Variants in DNAH14 observed in about 807,000 individuals in gnomAD.
DNAH14 encodes the protein dynein axonemal heavy chain 14.
DNAH14 carries 478 observed loss-of-function variants against 520.9 expected under a neutral mutation model. The observed-to-expected ratio is 0.92, with a 90% CI of 0.85 to 0.99. The LOEUF is 0.99. Among genes scored for constraint, DNAH14 ranks in the 50% least tolerant of loss-of-function variants. DNAH14 has a pLI of 0.00. For synonymous variants in DNAH14, 1,581 were observed against 1,757.2 expected (o/e 0.90, Z 2.51); for missense variants, 4,831 against 5,234.5 (o/e 0.92, Z 2.38).
chr1:225,214,207 C>T (rs895539059), intron 41 of DNAH14, among the ~76,000 whole-genome samples: 3 of 151,998 alleles, frequency 2.0e-5, no homozygotes, highest in Non-Finnish European at 4.4e-5. Context: ...TGATGGATTA[C>T]GTTTGTTGAT....
intron 43 of DNAH14, among the ~76,000 whole-genome samples, chr1:225,241,037 G>C (rs992004830): frequency 1.2e-4 from 18 of 152,108 alleles, no homozygotes. Context: ...TATAATGCCA[G>C]TAAGGCAGAA....
At chr1:225,028,701 T>C (rs1028428933) in intron 11 of DNAH14, among the ~76,000 whole-genome samples, 2 of 152,046 alleles carry the variant, frequency 1.3e-5, no homozygotes, top group Non-Finnish European at 2.9e-5. Flanking sequence ...GTTTTAAAGA[T>C]GCTATAAATC....
At chr1:225,135,434 G>A (rs2078864648) in intron 27 of DNAH14, among the ~76,000 whole-genome samples, 1 of 152,140 alleles carries the variant, frequency 6.6e-6, no homozygotes, top group Non-Finnish European at 1.5e-5. Context: ...TCAGGAGCAG[G>A]TTGTTCAATT....
At chr1:225,159,694 C>G (rs987700450) in intron 35 of DNAH14, among the ~76,000 whole-genome samples, 1 of 152,066 alleles carries the variant, frequency 6.6e-6, no homozygotes, top group Non-Finnish European at 1.5e-5. Context: ...AAGAATGAAC[C>G]ATGTACCTTT....
chr1:225,058,217 TG>T (rs1214444601), intron 17 of DNAH14, among the ~76,000 whole-genome samples: 2 of 152,230 alleles, frequency 1.3e-5, no homozygotes, highest in Non-Finnish European at 2.9e-5. Flanking sequence ...AGCCTGTTAC[TG>T]GTCTATTCAG....
intron 17 of DNAH14, among the ~76,000 whole-genome samples, chr1:225,076,107 G>C (rs1383066565): frequency 6.6e-6 from 1 of 152,162 alleles, no homozygotes; most frequent in East Asian, 1.9e-4. Context: ...GTAGTGTGGT[G>C]CTAGGTGGGC....
chr1:225,289,649 T>A (rs1383719897), intron 54 of DNAH14, among the ~76,000 whole-genome samples: 1 of 152,108 alleles, frequency 6.6e-6, no homozygotes, highest in East Asian at 1.9e-4. Flanking sequence ...TGAAATTTTC[T>A]CATATATTTA....
chr1:225,217,657 T>C (rs2089557855), intron 41 of DNAH14, among the ~76,000 whole-genome samples: 1 of 152,194 alleles, frequency 6.6e-6, no homozygotes, highest in Admixed American at 6.5e-5. Flanking sequence ...CAGACTGCTG[T>C]GCTGGCATTG....
intron 37 of DNAH14, among the ~76,000 whole-genome samples, chr1:225,190,783 CA>C (rs548959111): frequency 2.0e-5 from 3 of 152,034 alleles, no homozygotes; most frequent in Admixed American, 2.0e-4. Flanking sequence ...TTGAAGAAAT[CA>C]AAACTGCTAA....
intron 60 of DNAH14, among the ~76,000 whole-genome samples, chr1:225,314,117 T>C (rs774018441): frequency 1.3e-5 from 2 of 152,234 alleles, no homozygotes; most frequent in Non-Finnish European, 2.9e-5. Flanking sequence ...TGAATCTGGG[T>C]GCTCCTGTAT....
At chr1:225,184,463 T>G (rs2084425895) in intron 36 of DNAH14, among the ~76,000 whole-genome samples, 1 of 151,698 alleles carries the variant, frequency 6.6e-6, no homozygotes, top group African/African-American at 2.4e-5. Context: ...CTACTAAAAA[T>G]AAAATAATTA....
At chr1:225,243,808 A>T (rs61849965) in intron 43 of DNAH14, among the ~76,000 whole-genome samples, 1,817 of 152,044 alleles carry the variant, frequency 0.012, 8 homozygotes, top group Non-Finnish European at 0.019. Flanking sequence ...ACAATTTGAC[A>T]TCTTCTCTTC....
chr1:225,362,001 G>A (rs745747553), intron 75 of DNAH14, among the ~76,000 whole-genome samples: 10 of 152,168 alleles, frequency 6.6e-5, no homozygotes, highest in Non-Finnish European at 1.0e-4. Context: ...TTTCTGCCAT[G>A]TCTTTCATTC....
chr1:225,144,861 T>G (rs2079778239), intron 29 of DNAH14, among the ~76,000 whole-genome samples: 1 of 151,936 alleles, frequency 6.6e-6, no homozygotes, highest in African/African-American at 2.4e-5. Flanking sequence ...GGAATACTAC[T>G]TTACTGACTA....
chr1:225,343,529 A>G (rs1452795343), intron 69 of DNAH14, among the ~76,000 whole-genome samples: 1 of 152,176 alleles, frequency 6.6e-6, no homozygotes, highest in Non-Finnish European at 1.5e-5. Context: ...TTTAAGAGAA[A>G]TAAAGTCTGT....
In DNAH14 at chr1:225,148,689, T is replaced by G. The variant is rs148504502; in HGVS notation, c.4940+1440T>G. On this transcript the variant is annotated intron_variant, in intron 31 of 85. Coordinates refer to ENST00000682510, the MANE Select transcript of DNAH14 (RefSeq NM_001367479.1). The stretch of plus-strand genomic sequence containing the variant: ...TGCTGGGATTACAGGCATGAGTCAC[T>G]GTGCCCAGCCTGAGCTTTCTTTTTT... Among the ~76,000 whole-genome samples, 625 of 152,246 alleles carry G rather than the reference T, an allele frequency of 4.1e-3. 2 individuals carry two copies. Among genetic ancestry groups the G allele is most frequent in the Middle Eastern group, 0.014 (4 of 292 alleles).
intron 27 of DNAH14, among the ~76,000 whole-genome samples, chr1:225,139,310 C>G (rs996223301): frequency 6.6e-6 from 1 of 152,220 alleles, no homozygotes; most frequent in Non-Finnish European, 1.5e-5. Flanking sequence ...TCCTGGATCC[C>G]TGGTCTTCCA....
intron 82 of DNAH14, 90 bp from the exon 83 acceptor site, chr1:225,389,643 AG>A: frequency 7.1e-7 from 1 of 1,403,734 alleles, no homozygotes. Context: ...GAAAAGTAAA[AG>A]AAGGGCCCTG....
intron 23 of DNAH14, among the ~76,000 whole-genome samples, chr1:225,114,141 T>C (rs911239557): frequency 1.3e-5 from 2 of 152,154 alleles, no homozygotes; most frequent in African/African-American, 4.8e-5. Flanking sequence ...GCCCATGGCA[T>C]GTACTACCTG....
Sources: allele counts gnomAD v4.1 joint callset (sites outside exome capture counted in the v4.1 genomes callset), GRCh38; gene constraint gnomAD v4.1.1; transcripts MANE v1.5; gene names NCBI Gene and HGNC (gene_info 2026-07-23, HGNC 2026-07-21).